KLF12: variants seen among roughly 807,000 people sequenced by gnomAD.
KLF12 encodes KLF transcription factor 12.
In KLF12, 9 loss-of-function variants were observed where a neutral mutation model predicts 37.8. The observed-to-expected ratio is 0.24, with a 90% CI of 0.14 to 0.42. KLF12 has a LOEUF of 0.42. Ranked by LOEUF, KLF12 falls within the 10% of genes least tolerant of loss-of-function variation. The pLI, the probability that KLF12 is intolerant of heterozygous loss-of-function variation, is 1.00. For synonymous variants in KLF12, 208 were observed against 202.1 expected (o/e 1.03, Z -0.25); for missense variants, 411 against 516.0 (o/e 0.80, Z 1.97).
chr13:73,934,372 C>A (rs1287091778), intron 3 of KLF12, among the ~76,000 whole-genome samples: 1 of 152,220 alleles, frequency 6.6e-6, no homozygotes, highest in Non-Finnish European at 1.5e-5. Flanking sequence ...GCTGTCGTTA[C>A]TACTCATTTT....
At chr13:73,742,085 T>C (rs1878039125) in intron 6 of KLF12, among the ~76,000 whole-genome samples, 1 of 152,218 alleles carries the variant, frequency 6.6e-6, no homozygotes, top group South Asian at 2.1e-4. Context: ...TCTCTTGTTT[T>C]ATGGTTGTTG....
the KLF12 span, among the ~76,000 whole-genome samples, chr13:74,274,323 C>A: frequency 6.6e-6 from 1 of 152,256 alleles, no homozygotes; most frequent in Admixed American, 6.5e-5. Context: ...CGTCTTCTTT[C>A]TCTGTCCTCA....
At chr13:74,049,523 C>T (rs1034167111) in intron 1 of KLF12, among the ~76,000 whole-genome samples, 4 of 151,758 alleles carry the variant, frequency 2.6e-5, no homozygotes, top group East Asian at 1.9e-4. Context: ...AATAAGAGGA[C>T]GTCATTAAAA....
At chr13:73,740,205 G>A (rs1877869319) in intron 6 of KLF12, among the ~76,000 whole-genome samples, 1 of 152,204 alleles carries the variant, frequency 6.6e-6, no homozygotes, top group Non-Finnish European at 1.5e-5. Flanking sequence ...ATGAGTATTA[G>A]TGCCCTTATA....
At chr13:73,747,426 G>C (rs1330661701) in intron 6 of KLF12, among the ~76,000 whole-genome samples, 1 of 152,160 alleles carries the variant, frequency 6.6e-6, no homozygotes, top group Non-Finnish European at 1.5e-5. Context: ...TGAATGAGAA[G>C]GACGCAGTAG....
chr13:73,995,424 T>C (rs928375740), intron 1 of KLF12, among the ~76,000 whole-genome samples: 2 of 152,164 alleles, frequency 1.3e-5, no homozygotes, highest in Non-Finnish European at 2.9e-5. Flanking sequence ...ATTTCCTGTA[T>C]AAAAGAGAAG....
the KLF12 span, chr13:74,258,044 G>T: frequency 1.1e-4 from 17 of 151,998 alleles, no homozygotes; most frequent in African/African-American, 4.1e-4. Flanking sequence ...AAAAAACGTG[G>T]CAGGAGGACA....
chr13:74,274,277 A>C, the KLF12 span, among the ~76,000 whole-genome samples: 1 of 152,168 alleles, frequency 6.6e-6, no homozygotes, highest in Admixed American at 6.5e-5. Context: ...ACTTAAAAAA[A>C]AGACCTAAGG....
chr13:73,879,411 T>C (rs1296196469), intron 3 of KLF12, among the ~76,000 whole-genome samples: 1 of 151,998 alleles, frequency 6.6e-6, no homozygotes, highest in Non-Finnish European at 1.5e-5. Context: ...AAAATTTGAG[T>C]CACAAAAAGA....
intron 3 of KLF12, among the ~76,000 whole-genome samples, chr13:73,879,157 T>C (rs185292373): frequency 6.6e-6 from 1 of 152,320 alleles, no homozygotes; most frequent in East Asian, 1.9e-4. Context: ...TCTTCAAGTT[T>C]ACTGATGTTC....
At chr13:73,932,204 G>C (rs1457772267) in intron 3 of KLF12, among the ~76,000 whole-genome samples, 1 of 152,168 alleles carries the variant, frequency 6.6e-6, no homozygotes, top group East Asian at 1.9e-4. Flanking sequence ...GAGTTTGAGA[G>C]TTAAAATCAG....
At chr13:73,889,264 T>C (rs1165999974) in intron 3 of KLF12, among the ~76,000 whole-genome samples, 10 of 152,244 alleles carry the variant, frequency 6.6e-5, no homozygotes, top group Non-Finnish European at 1.2e-4. Context: ...TGCATGTATG[T>C]ATATGTGTAT....
chr13:73,833,122 A>G lies in KLF12; in HGVS notation c.670+12705T>C, dbSNP rs578259690. ...CTGAGTGGGAAATGAAATTGGCGTT[A>G]CTATTATATAAGAAACTTAGCAGAT... On this transcript the variant is annotated intron_variant, in intron 4 of 7. Coordinates refer to ENST00000377669, the MANE Select transcript of KLF12 (RefSeq NM_007249.5). 4.6e-5 allele frequency among the ~76,000 whole-genome samples: 7 copies of G among 152,360 alleles called. No individual in the cohort carries two copies. The South Asian group carries it at 1.4e-3, about 32-fold the overall frequency.
At chr13:73,866,435 C>T (rs978607592) in intron 3 of KLF12, among the ~76,000 whole-genome samples, 2 of 151,988 alleles carry the variant, frequency 1.3e-5, no homozygotes, top group African/African-American at 4.8e-5. Context: ...ATCTGTAAAT[C>T]CCAAGCAATA....
At chr13:73,920,419 A>T (rs1889058589) in intron 3 of KLF12, among the ~76,000 whole-genome samples, 1 of 152,158 alleles carries the variant, frequency 6.6e-6, no homozygotes. Context: ...ATACCAGCCC[A>T]GTATTTAAAA....
intron 1 of KLF12, among the ~76,000 whole-genome samples, chr13:74,030,392 T>C (rs1323539137): frequency 2.0e-5 from 3 of 152,140 alleles, no homozygotes; most frequent in Non-Finnish European, 2.9e-5. Context: ...TTCCTATTCC[T>C]GATTCAGACT....
At chr13:73,898,731 G>A (rs1003014388) in intron 3 of KLF12, among the ~76,000 whole-genome samples, 3 of 152,074 alleles carry the variant, frequency 2.0e-5, no homozygotes, top group African/African-American at 7.2e-5. Context: ...CCAAGAAAGG[G>A]TAACTTACTA....
intron 1 of KLF12, among the ~76,000 whole-genome samples, chr13:74,080,526 G>GA (rs59366154): frequency 0.067 from 9,817 of 146,178 alleles, 1,006 homozygotes; most frequent in African/African-American, 0.23. Context: ...TGGTCCAAAA[G>GA]AAAAAAAAAA....
chr13:73,878,195 T>C (rs1483978914), intron 3 of KLF12, among the ~76,000 whole-genome samples: 1 of 152,174 alleles, frequency 6.6e-6, no homozygotes, highest in African/African-American at 2.4e-5. Flanking sequence ...TGGAAAAGCA[T>C]GAACTCAAAG....
Sources: allele counts gnomAD v4.1 joint callset (sites outside exome capture counted in the v4.1 genomes callset), GRCh38; gene constraint gnomAD v4.1.1; transcripts MANE v1.5; gene names NCBI Gene and HGNC (gene_info 2026-07-23, HGNC 2026-07-21).